RPTOR: variants seen among roughly 807,000 people sequenced by gnomAD.
RPTOR encodes the protein regulatory associated protein of MTOR complex 1.
Under a neutral mutation model 169.9 loss-of-function variants are expected in RPTOR, and 21 were observed. That is an observed-to-expected ratio of 0.12 (90% CI 0.09 to 0.18). The LOEUF is 0.18. Ranked by LOEUF, RPTOR falls within the 10% of genes least tolerant of loss-of-function variation. RPTOR has a pLI of 1.00. For missense variants in RPTOR, 1,133 were observed against 1,855.9 expected, an observed-to-expected ratio of 0.61 and a Z score of 7.16; for synonymous variants, 732 against 753.2, an observed-to-expected ratio of 0.97 and a Z score of 0.46.
rs1567966303 is a variant in RPTOR at position 80,883,936 on chromosome 17, G to A, written c.1806G>A (p.Glu602=). 6.2e-7 allele frequency: 1 copy of A among 1,613,316 alleles called. No individual in the cohort carries two copies. The highest frequency in any genetic ancestry group is 2.2e-5 in the East Asian group (1 of 44,882). The part of the protein sequence containing the change: ...RWCGVRDSAH[E]KLYSLLSDPI... ...GCGGCGTGAGGGACAGCGCTCATGA[G>A]AAGCTCTACAGCCTCCTCTCCGACC... Residue 602 remains glutamate, a synonymous_variant, in exon 16 of 34, where the codon GAG becomes GAA. Coordinates refer to ENST00000306801, the MANE Select transcript of RPTOR (RefSeq NM_020761.3).
In RPTOR at chr17:80,849,854, C is replaced by T. The variant is rs953062899; in HGVS notation, c.1314+3280C>T. 1.1e-4 allele frequency among the ~76,000 whole-genome samples: 16 copies of T among 152,326 alleles called. No individual in the cohort carries two copies. In the South Asian group the frequency reaches 3.1e-3, roughly 30 times the overall value. ...CTTCTCACGAGGAGCTCTGGACTCTCGTGGCCTGTGGGGTGCGTTTGCCCT... is the reference window on the plus strand; with the variant it reads ...CTTCTCACGAGGAGCTCTGGACTCTTGTGGCCTGTGGGGTGCGTTTGCCCT... On this transcript the variant is annotated intron_variant, in intron 11 of 33. Coordinates refer to ENST00000306801, the MANE Select transcript of RPTOR (RefSeq NM_020761.3).
At chr17:80,760,248 G>A (rs1470743731) in intron 6 of RPTOR, among the ~76,000 whole-genome samples, 1 of 151,366 alleles carries the variant, frequency 6.6e-6, no homozygotes, top group African/African-American at 2.4e-5. Context: ...AGAGCCACAG[G>A]CAATATATAA....
Position 80,731,076 on chromosome 17 carries a change from G to A in RPTOR, c.654+370G>A, listed in dbSNP as rs1022440541. 2.6e-5 allele frequency among the ~76,000 whole-genome samples: 4 copies of A among 151,922 alleles called. No individual in the cohort carries two copies. The South Asian group carries it at 8.3e-4, about 32-fold the overall frequency. ...GTAGTTTTTGTAGAGGTGGTGTTTC[G>A]CCATGTTTCTCAGCCTGGTCTCAAA... On this transcript the variant is annotated intron_variant, in intron 5 of 33. Transcript: ENST00000306801.
intron 11 of RPTOR, among the ~76,000 whole-genome samples, chr17:80,847,844 G>C (rs2143718357): frequency 6.6e-6 from 1 of 152,344 alleles, no homozygotes; most frequent in East Asian, 1.9e-4. Context: ...CTGACAGACA[G>C]CACACCAATC....
At chr17:80,825,871 G>A (rs1341459592) in intron 9 of RPTOR, among the ~76,000 whole-genome samples, 9 of 152,148 alleles carry the variant, frequency 5.9e-5, no homozygotes, top group Non-Finnish European at 1.2e-4. Context: ...CTTCCCTTTC[G>A]GGCGCGTTCT....
At chr17:80,751,181 T>C (rs2066626707) in intron 5 of RPTOR, among the ~76,000 whole-genome samples, 1 of 152,152 alleles carries the variant, frequency 6.6e-6, no homozygotes, top group Non-Finnish European at 1.5e-5. Context: ...TACAGCTCTG[T>C]GTGTATTTCA....
rs772579256 is a variant in RPTOR, at chr17:80,680,828, G to A, written c.349-27013G>A. Among the ~76,000 whole-genome samples, 78 of 152,264 alleles carry A rather than the reference G, an allele frequency of 5.1e-4. 1 individual carries two copies. The highest frequency in any genetic ancestry group is 3.2e-4 in the Non-Finnish European group (22 of 68,032). ...CCTGCGTGCCGAGGCAAAGATCCGC[G>A]TATAAAATCCCACGTCGCACGTATG... On this transcript the variant is annotated intron_variant, in intron 3 of 33. Transcript: ENST00000306801.
intron 1 of RPTOR, chr17:80,593,690 A>C (rs777835104): frequency 6.6e-6 from 1 of 152,246 alleles, no homozygotes; most frequent in Non-Finnish European, 1.5e-5. Context: ...AGTGACTTCT[A>C]TTCCTGAGCC....
At chr17:80,685,023 A>G (rs566084787) in intron 3 of RPTOR, among the ~76,000 whole-genome samples, 1 of 152,346 alleles carries the variant, frequency 6.6e-6, no homozygotes, top group South Asian at 2.1e-4. Flanking sequence ...AATTTATAGT[A>G]TCACTGGGTG....
Position 80,708,041 on chromosome 17 carries a change from C to T in RPTOR, c.507+42C>T, listed in dbSNP as rs774782929. The T allele has an allele frequency of 1.9e-5, 30 of 1,591,250 alleles. No homozygotes were observed. Among genetic ancestry groups the T allele is most frequent in the Non-Finnish European group, 1.7e-6 (2 of 1,166,580 alleles). ...GCTTCCTTCCCGTTTCTGCCAAAAGCCATGCCAATTGCGGTGGTCGGAGCA... is the reference window on the plus strand; with the variant it reads ...GCTTCCTTCCCGTTTCTGCCAAAAGTCATGCCAATTGCGGTGGTCGGAGCA... On this transcript the variant is annotated intron_variant, in intron 4 of 33. Coordinates refer to ENST00000306801, the MANE Select transcript of RPTOR (RefSeq NM_020761.3). This position sits in a 1 kb window ranked among gnomAD's most constrained non-coding sequence, Gnocchi z 4.2.
chr17:80,879,897 G>A (rs1400073037), intron 13 of RPTOR, among the ~76,000 whole-genome samples: 1 of 152,244 alleles, frequency 6.6e-6, no homozygotes, highest in East Asian at 1.9e-4. Context: ...AACAAGTGGG[G>A]CCAGTGGGAA....
intron 7 of RPTOR, among the ~76,000 whole-genome samples, chr17:80,792,978 T>C (rs1183467280): frequency 6.6e-6 from 1 of 152,172 alleles, no homozygotes; most frequent in Non-Finnish European, 1.5e-5. Context: ...AAAAAAATTT[T>C]TAATGAATTA....
intron 3 of RPTOR, among the ~76,000 whole-genome samples, chr17:80,660,061 A>G (rs2065710053): frequency 1.3e-5 from 2 of 152,088 alleles, no homozygotes; most frequent in African/African-American, 4.8e-5. Context: ...ATCTGAGGTC[A>G]GGAGTTCGAG....
intron 9 of RPTOR, among the ~76,000 whole-genome samples, chr17:80,830,228 C>T (rs541515275): frequency 6.6e-6 from 1 of 152,274 alleles, no homozygotes; most frequent in South Asian, 2.1e-4. Flanking sequence ...CTCCACTGGC[C>T]TCAGTTTCCA....
chr17:80,790,966 G>A (rs1188471763), intron 6 of RPTOR, among the ~76,000 whole-genome samples: 2 of 152,212 alleles, frequency 1.3e-5, no homozygotes, highest in East Asian at 3.8e-4. Context: ...ACCTGCGTCA[G>A]ACATGAACCC....
intron 4 of RPTOR, among the ~76,000 whole-genome samples, chr17:80,727,128 C>T (rs1303089150): frequency 6.6e-6 from 1 of 151,772 alleles, no homozygotes; most frequent in Non-Finnish European, 1.5e-5. Flanking sequence ...AGAACATGGA[C>T]GCTGCACCTC....
At chr17:80,873,916 G>A (rs556276351) in intron 13 of RPTOR, among the ~76,000 whole-genome samples, 4 of 152,258 alleles carry the variant, frequency 2.6e-5, no homozygotes, top group African/African-American at 9.6e-5. Context: ...TCGTGCAGAC[G>A]TGCAGAGATA....
At chr17:80,881,488 G>T (rs921556733) in intron 14 of RPTOR, among the ~76,000 whole-genome samples, 8 of 152,264 alleles carry the variant, frequency 5.3e-5, no homozygotes, top group African/African-American at 1.9e-4. Context: ...TCAGCCACGA[G>T]CCTGCGGAAG....
chr17:80,547,194 G>A (rs1466672596), intron 1 of RPTOR, among the ~76,000 whole-genome samples: 1 of 152,186 alleles, frequency 6.6e-6, no homozygotes, highest in Admixed American at 6.5e-5. Context: ...AGCATTTTAA[G>A]GAGTTAAATA....
Sources: gnomAD v4.1 joint callset for allele counts (sites outside exome capture counted in the v4.1 genomes callset) on GRCh38, gnomAD v4.1.1 for gene constraint, Gnocchi (gnomAD v3.1) non-coding constraint, MANE v1.5 for transcripts, NCBI Gene and HGNC (gene_info 2026-07-23, HGNC 2026-07-21) for gene names.